The following IL2RA variants were observed in gnomAD, a reference collection of about 807,000 sequenced individuals.
The protein encoded by IL2RA is interleukin-2 receptor subunit alpha.
IL2RA carries 24 observed loss-of-function variants against 37.8 expected under a neutral mutation model. The observed-to-expected ratio is 0.63, with a 90% CI of 0.46 to 0.89. The LOEUF (loss-of-function observed/expected upper bound fraction) is 0.89, where lower values mean the gene tolerates loss of function less well. Among genes scored for constraint, IL2RA ranks in the 40% least tolerant of loss-of-function variants. IL2RA has a pLI of 0.00. For missense variants in IL2RA, 319 were observed against 348.6 expected (o/e 0.92, Z 0.68); for synonymous variants, 125 against 114.6 (o/e 1.09, Z -0.58).
rs2132858898 is a variant in IL2RA at position 6,025,618 on chromosome 10, AT to A, written c.256+215del. Among the ~76,000 whole-genome samples, 1 of 152,116 alleles carries A rather than the reference AT, an allele frequency of 6.6e-6. No homozygotes were observed. On this transcript the variant is annotated intron_variant, in intron 2 of 7. Coordinates refer to ENST00000379959, the MANE Select transcript of IL2RA (RefSeq NM_000417.3). The surrounding 1 kb of genome is among the most constrained non-coding windows in gnomAD (Gnocchi z 4.4). ...TTGCAGTGAGCCGAGATCGCGTGCC[AT>A]TGCACTCCAGCCTAGGCAACAGAGT...
In IL2RA at chr10:6,033,493, C is replaced by T. The variant is rs184675426; in HGVS notation, c.65-7468G>A. 2.6e-5 allele frequency among the ~76,000 whole-genome samples: 4 copies of T among 152,216 alleles called. No individual in the cohort carries two copies. Among genetic ancestry groups the T allele is most frequent in the Admixed American group, 1.3e-4 (2 of 15,290 alleles). ...CTTCTTTCTTTTATTAAGCCCCTTC[C>T]ATTCTAGTACATAGTAGCTTTATTA... On this transcript the variant is annotated intron_variant, in intron 1 of 7. Coordinates refer to ENST00000379959, the MANE Select transcript of IL2RA (RefSeq NM_000417.3). The surrounding 1 kb of genome is among the most constrained non-coding windows in gnomAD (Gnocchi z 4.3).
At chr10:6,051,511 ATATATAT>A (rs1195606193) in intron 1 of IL2RA, among the ~76,000 whole-genome samples, 6 of 19,524 alleles carry the variant, frequency 3.1e-4, no homozygotes, top group Admixed American at 5.4e-4. Flanking sequence ...ATATATATAT[ATATATAT>A]TTTTTTTCTT....
rs138030460 is a variant in IL2RA, at chr10:6,027,182, C to T, written c.65-1157G>A. On this transcript the variant is annotated intron_variant, in intron 1 of 7. Coordinates refer to ENST00000379959, the MANE Select transcript of IL2RA (RefSeq NM_000417.3). ...CTACTAAAAATACAAAAAAATTAGC[C>T]GGGCGTGGTGGCATGTGCCTGTGGT... Among the ~76,000 whole-genome samples, 847 of 152,168 alleles carry T rather than the reference C, an allele frequency of 5.6e-3. 4 individuals carry two copies. The highest frequency in any genetic ancestry group is 0.027 in the Middle Eastern group (8 of 294).
chr10:6,019,302 ATCAACCTACCAG>A, intron 6 of IL2RA, 114 bp downstream of exon 6: 2 of 794,398 alleles, frequency 2.5e-6, no homozygotes, highest in Non-Finnish European at 4.6e-6. Flanking sequence ...CAACCTACCT[ATCAACCTACCAG>A]TCAACCAACT....
Position 6,019,432 on chromosome 10 carries a change from T to A in IL2RA, c.723A>T (p.Val241=), listed in dbSNP as rs1259053355. ...ETSIFTTEYQ[V]AVAGCVFLLI... ...CAAAGCCAGTGCCCCACTCACCTGC[T>A]ACCTGGTACTCTGTTGTAAATATGG... is the stretch of plus-strand genomic sequence containing the variant. Residue 241 remains valine, a synonymous_variant, in exon 6 of 8, where the codon GTA becomes GTT. Transcript: ENST00000379959. 6.2e-6 allele frequency: 10 copies of A among 1,610,520 alleles called. No individual in the cohort carries two copies. Among genetic ancestry groups the A allele is most frequent in the Non-Finnish European group, 8.5e-6 (10 of 1,176,636 alleles).
intron 1 of IL2RA, among the ~76,000 whole-genome samples, chr10:6,041,666 A>T (rs1839774176): frequency 1.3e-5 from 2 of 152,174 alleles, no homozygotes; most frequent in Admixed American, 6.5e-5. Context: ...AGGGGGAAAA[A>T]TTTCCCCCAA....
rs917804059 is a variant in IL2RA, at chr10:6,057,499, G to A, written c.64+4589C>T. Among the ~76,000 whole-genome samples, 2 of 152,174 alleles carry A rather than the reference G, an allele frequency of 1.3e-5. No individual in the cohort carries two copies. The highest frequency in any genetic ancestry group is 4.8e-5 in the African/African-American group (2 of 41,438). On this transcript the variant is annotated intron_variant, in intron 1 of 7. Transcript: ENST00000379959. This position sits in a 1 kb window ranked among gnomAD's most constrained non-coding sequence, Gnocchi z 4.8. ...TCCTTTCTGGAATCCTTGACATAGA[G>A]TGAAGGAACTGGAAGGGAGTTTCAA...
At chr10:6,037,583 G>A (rs1004842629) in intron 1 of IL2RA, among the ~76,000 whole-genome samples, 1 of 152,178 alleles carries the variant, frequency 6.6e-6, no homozygotes, top group African/African-American at 2.4e-5. Flanking sequence ...ACACAGGTAC[G>A]CATCAAGAGC....
rs981127712 is a variant in IL2RA, at chr10:6,035,551, C to A, written c.65-9526G>T. On this transcript the variant is annotated intron_variant, in intron 1 of 7. Coordinates refer to ENST00000379959, the MANE Select transcript of IL2RA (RefSeq NM_000417.3). The surrounding 1 kb of genome is among the most constrained non-coding windows in gnomAD (Gnocchi z 5.4). The stretch of plus-strand genomic sequence containing the variant: ...TATCTCTATTCTGGCAATAAAAGTA[C>A]TCTGGACACTGTTAAGGTGAGAAAA... 1.3e-5 allele frequency among the ~76,000 whole-genome samples: 2 copies of A among 152,166 alleles called. No homozygotes were observed. Among genetic ancestry groups the A allele is most frequent in the Non-Finnish European group, 2.9e-5 (2 of 68,028 alleles).
intron 1 of IL2RA, among the ~76,000 whole-genome samples, chr10:6,060,252 G>A (rs951638691): frequency 6.6e-6 from 1 of 152,168 alleles, no homozygotes; most frequent in Non-Finnish European, 1.5e-5. Context: ...GGACTCTGAG[G>A]ACTCAGGGGA....
chr10:6,027,762 C>G (rs924380451), intron 1 of IL2RA, among the ~76,000 whole-genome samples: 5 of 152,146 alleles, frequency 3.3e-5, no homozygotes, highest in Middle Eastern at 3.2e-3. Flanking sequence ...AGAGACTGGA[C>G]TGAAGTTTAC....
At position 6,018,627 on chromosome 10, in the gene IL2RA, C is replaced by T. The variant is rs778841205; in HGVS notation, c.728-508G>A. Among the ~76,000 whole-genome samples the T allele has an allele frequency of 6.9e-4, 105 of 152,232 alleles. No individual in the cohort carries two copies. Among genetic ancestry groups the T allele is most frequent in the Non-Finnish European group, 1.2e-3 (85 of 68,022 alleles). ...GAAGCCTGTCCTCTCTGACTGGCTA[C>T]GTGGCTCCTTCCTCCCACTCTTGAC... On this transcript the variant is annotated intron_variant, in intron 6 of 7. Coordinates refer to ENST00000379959, the MANE Select transcript of IL2RA (RefSeq NM_000417.3). The surrounding 1 kb of genome is among the most constrained non-coding windows in gnomAD (Gnocchi z 5.1).
At chr10:6,024,608 T>C (rs943616830) in intron 2 of IL2RA, among the ~76,000 whole-genome samples, 1 of 146,878 alleles carries the variant, frequency 6.8e-6, no homozygotes, top group African/African-American at 2.4e-5. Context: ...ATGTCATGTA[T>C]GTTACGTGTC....
rs1270377810 is a variant in IL2RA, at chr10:6,025,123, G to A, written c.256+711C>T. On this transcript the variant is annotated intron_variant, in intron 2 of 7. Coordinates refer to ENST00000379959, the MANE Select transcript of IL2RA (RefSeq NM_000417.3). This position sits in a 1 kb window ranked among gnomAD's most constrained non-coding sequence, Gnocchi z 4.4. ...GGTGGTGTGCGCCTATAAGGCCCAG[G>A]CAGGAGAATCACTTGAGGCCAGGAG... 6.6e-6 allele frequency among the ~76,000 whole-genome samples: 1 copy of A among 151,728 alleles called. No homozygotes were observed.
At chr10:6,053,329 C>T (rs1245752630) in intron 1 of IL2RA, among the ~76,000 whole-genome samples, 5 of 152,198 alleles carry the variant, frequency 3.3e-5, no homozygotes, top group African/African-American at 1.2e-4. Context: ...ATATGACCTA[C>T]TTTATTTTGA....
In IL2RA at chr10:6,047,301, T is replaced by C. The variant is rs1256771207; in HGVS notation, c.64+14787A>G. On this transcript the variant is annotated intron_variant, in intron 1 of 7. Transcript: ENST00000379959. The surrounding 1 kb of genome is among the most constrained non-coding windows in gnomAD (Gnocchi z 5.0). ...CACCTGATGCTGGTGGGGTCAGGAGTGTGGCCTGTGCCACACTCAGAACGC... is the reference window on the plus strand; with the variant it reads ...CACCTGATGCTGGTGGGGTCAGGAGCGTGGCCTGTGCCACACTCAGAACGC... 4.6e-5 allele frequency among the ~76,000 whole-genome samples: 7 copies of C among 152,068 alleles called. No individual in the cohort carries two copies. The highest frequency in any genetic ancestry group is 8.8e-5 in the Non-Finnish European group (6 of 68,018).
chr10:6,024,901 C>T (rs1839455444), intron 2 of IL2RA, among the ~76,000 whole-genome samples: 1 of 152,190 alleles, frequency 6.6e-6, no homozygotes, highest in African/African-American at 2.4e-5. Flanking sequence ...CTGAGTGCCC[C>T]AGTGAGGGGG....
At chr10:6,049,920 G>T (rs41294907) in intron 1 of IL2RA, among the ~76,000 whole-genome samples, 2,443 of 152,286 alleles carry the variant, frequency 0.016, 31 homozygotes, top group Non-Finnish European at 0.023. Context: ...AGGGAGGAGG[G>T]TGTTCCTGGG....
chr10:6,055,308 TC>T (rs1251927161), intron 1 of IL2RA, among the ~76,000 whole-genome samples: 3 of 152,176 alleles, frequency 2.0e-5, no homozygotes, highest in Non-Finnish European at 4.4e-5. Context: ...TGAGTTTCAA[TC>T]CTAAGTGCGA....
Sources: gnomAD v4.1 joint callset for allele counts (sites outside exome capture counted in the v4.1 genomes callset) on GRCh38, gnomAD v4.1.1 for gene constraint, Gnocchi (gnomAD v3.1) non-coding constraint, MANE v1.5 for transcripts, NCBI Gene and HGNC (gene_info 2026-07-23, HGNC 2026-07-21) for gene names.